The following ZNF740 variants were observed in gnomAD, a reference collection of about 807,000 sequenced individuals.
ZNF740 encodes oriLyt TD-element-binding protein 7.
In ZNF740, 14 loss-of-function variants were observed where a neutral mutation model predicts 24.8. The ratio of observed to expected loss-of-function variants is 0.56; its 90% confidence interval spans 0.37 to 0.88. ZNF740 has a LOEUF of 0.88. ZNF740 is among the 40% of genes least tolerant of loss of function. ZNF740 has a pLI of 0.00. For missense variants in ZNF740, 201 were observed against 247.9 expected (o/e 0.81, Z 1.27); for synonymous variants, 69 against 84.0 (o/e 0.82, Z 0.98).
In ZNF740 at chr12:53,194,184, T is replaced by C. The variant is rs1438322409; in HGVS notation, c.*6594T>C. 1 of 1,613,876 alleles carries C rather than the reference T, an allele frequency of 6.2e-7. No individual in the cohort carries two copies. Among genetic ancestry groups the C allele is most frequent in the Admixed American group, 1.7e-5 (1 of 59,992 alleles). ...CCCCCTGCCCGCCTTCTGCCTGTGC[T>C]TGCTGGCTCTCACCGTCTGGTTGAT... On this transcript the variant is annotated 3_prime_UTR_variant, in exon 7 of 7. Transcript: ENST00000416904.
At chr12:53,180,895 G>C in intron 1 of ZNF740, 58 bp downstream of exon 1, 3 of 1,153,668 alleles carry the variant, frequency 2.6e-6, no homozygotes, top group Non-Finnish European at 3.3e-6. Context: ...CGCTTCAGTA[G>C]CTCGCAAGCC....
At chr12:53,181,108 C>T (rs1470437208) in intron 1 of ZNF740, 1 of 951,304 alleles carries the variant, frequency 1.1e-6, no homozygotes, top group Admixed American at 6.2e-5. Context: ...CGGCACTCTC[C>T]GGCTCTGCTC....
rs1565701319 is a variant in ZNF740, at chr12:53,194,362, G to A, written c.*6772G>A. 1 of 1,613,596 alleles carries A rather than the reference G, an allele frequency of 6.2e-7. No homozygotes were observed. Among genetic ancestry groups the A allele is most frequent in the South Asian group, 1.1e-5 (1 of 91,040 alleles). On this transcript the variant is annotated 3_prime_UTR_variant, in exon 7 of 7. Coordinates refer to ENST00000416904, the MANE Select transcript of ZNF740 (RefSeq NM_001004304.4). ...GACAGGCTCTATGGGAAGAGAGCGA[G>A]TGGATAACCACGTGAAGGCAGAAAA... is the stretch of plus-strand genomic sequence containing the variant.
rs991844221 is a variant in ZNF740 at position 53,186,523 on chromosome 12, C to G, written c.492+14C>G. On this transcript the variant is annotated intron_variant, in intron 6 of 6. Transcript: ENST00000416904. ...CGGTGTCATCAGGTAAGGCTCATCC[C>G]TGCTACAATACCCCACACACACTTT... The G allele has an allele frequency of 9.1e-6, 14 of 1,542,616 alleles. No individual in the cohort carries two copies. The highest frequency in any genetic ancestry group is 1.2e-5 in the South Asian group (1 of 83,990).
chr12:53,184,376 AC>A (rs1444077862), intron 2 of ZNF740, among the ~76,000 whole-genome samples: 4 of 152,034 alleles, frequency 2.6e-5, no homozygotes, highest in Non-Finnish European at 1.5e-5. Context: ...TTTAGTATAG[AC>A]AAGGTTTCAC....
rs1318107438 is a variant in ZNF740, at chr12:53,190,226, C to T, written c.*2636C>T. On this transcript the variant is annotated 3_prime_UTR_variant, in exon 7 of 7. Coordinates refer to ENST00000416904, the MANE Select transcript of ZNF740 (RefSeq NM_001004304.4). ...TGGCATCCAGAGGGCCCGGGAGCCC[C>T]ACGGATACCCCAGGGAAGCCACTGA... The T allele has an allele frequency of 3.3e-5, 5 of 152,632 alleles. No individual in the cohort carries two copies. The highest frequency in any genetic ancestry group is 7.3e-5 in the Non-Finnish European group (5 of 68,102). 9.5% of individuals were successfully genotyped at this position (152,632 alleles called of 1,614,324 possible).
intron 2 of ZNF740, among the ~76,000 whole-genome samples, chr12:53,183,707 A>C (rs567011481): frequency 4.6e-5 from 7 of 152,180 alleles, no homozygotes; most frequent in African/African-American, 1.7e-4. Flanking sequence ...TCCAAAAATC[A>C]TATCAGTTGC....
intron 6 of ZNF740, 38 bp from the exon 7 acceptor site, chr12:53,187,463 T>C: frequency 6.3e-7 from 1 of 1,579,890 alleles, no homozygotes; most frequent in Non-Finnish European, 8.7e-7. Context: ...GTAGCTGCGT[T>C]TGTCTGCTCA....
At chr12:53,181,183 G>C in intron 1 of ZNF740, 1 of 985,410 alleles carries the variant, frequency 1.0e-6, no homozygotes, top group Non-Finnish European at 1.2e-6. Context: ...GCCGCGCCGG[G>C]CTTCGCCTGC....
rs1215047604 is a variant in ZNF740, at chr12:53,186,411, G to A, written c.394G>A (p.Asp132Asn). ...GCCAGGTGAGAAGCCATTTGAATGCGATATATGTGATATGCGTTTCATCCA... is the reference window on the plus strand; with the variant it reads ...GCCAGGTGAGAAGCCATTTGAATGCAATATATGTGATATGCGTTTCATCCA... ...IHTGEKPFEC[D>N]ICDMRFIQKY... Residue 132 changes from aspartate (D) to asparagine (N), a missense_variant, in exon 6 of 7, where the codon GAT becomes AAT. Asp to Asn is a conservative substitution (Grantham distance 23). Around this residue, in one of 3 missense-constraint regions of ZNF740, gnomAD observed 60 missense variants for 107.8 expected, o/e 0.56. Coordinates refer to ENST00000416904, the MANE Select transcript of ZNF740 (RefSeq NM_001004304.4). 2 of 1,583,084 alleles carry A rather than the reference G, an allele frequency of 1.3e-6. No individual in the cohort carries two copies. Among genetic ancestry groups the A allele is most frequent in the South Asian group, 1.2e-5 (1 of 86,326 alleles).
intron 5 of ZNF740, 120 bp downstream of exon 5, chr12:53,186,197 TAAGTC>T (rs1941817542): frequency 1.5e-6 from 2 of 1,357,746 alleles, no homozygotes; most frequent in Non-Finnish European, 2.0e-6. Context: ...AGGAAGAAGA[TAAGTC>T]AATGAAGCAG....
chr12:53,193,665 G>T lies in ZNF740; in HGVS notation c.*6075G>T. ...GAGGAATACGGGCCAGGGTTGGTTG[G>T]TTGTTGGGAGCCAGGTGGTTGAAGG... On this transcript the variant is annotated 3_prime_UTR_variant, in exon 7 of 7. Coordinates refer to ENST00000416904, the MANE Select transcript of ZNF740 (RefSeq NM_001004304.4). 1.3e-6 allele frequency: 2 copies of T among 1,549,868 alleles called. No individual in the cohort carries two copies. Among genetic ancestry groups the T allele is most frequent in the Non-Finnish European group, 1.8e-6 (2 of 1,138,838 alleles).
intron 6 of ZNF740, 110 bp downstream of exon 6, chr12:53,186,619 A>G (rs1941826849): frequency 1.2e-6 from 1 of 804,468 alleles, no homozygotes; most frequent in Non-Finnish European, 2.0e-6. Context: ...ACTCGCCATA[A>G]TAGTTAACAC....
intron 1 of ZNF740, 113 bp downstream of exon 1, chr12:53,180,950 C>A: frequency 5.8e-6 from 1 of 173,660 alleles, no homozygotes; most frequent in Non-Finnish European, 7.5e-6. Context: ...AGGAGGGGCG[C>A]GTGGCGAAGG....
intron 1 of ZNF740, 161 bp downstream of exon 1, chr12:53,180,998 C>T (rs1592379175): frequency 3.6e-6 from 3 of 829,990 alleles, no homozygotes; most frequent in Non-Finnish European, 4.6e-6. Context: ...AAAGGCCGTG[C>T]GCGCACACCG....
At chr12:53,180,858 C>A (rs1941557561) in intron 1 of ZNF740, 21 bp downstream of exon 1, 7 of 1,257,340 alleles carry the variant, frequency 5.6e-6, no homozygotes, top group Non-Finnish European at 7.2e-6. Flanking sequence ...GCCCCAAAGA[C>A]CGCAGCGTCG....
At chr12:53,184,346 A>G (rs1941781260) in intron 2 of ZNF740, among the ~76,000 whole-genome samples, 1 of 151,888 alleles carries the variant, frequency 6.6e-6, no homozygotes, top group African/African-American at 2.4e-5. Context: ...GTGCCACCAC[A>G]CCTGGCTAAT....
In ZNF740 at chr12:53,192,994, A is replaced by C. The variant is rs1413384266; in HGVS notation, c.*5404A>C. Reference sequence around the variant, plus strand: ...TGTGGCACGACAAGCCCACGCATCCAATCTTTTTGAAGTATGCCAACCACA... The same window carrying C: ...TGTGGCACGACAAGCCCACGCATCCCATCTTTTTGAAGTATGCCAACCACA... On this transcript the variant is annotated 3_prime_UTR_variant, in exon 7 of 7. Transcript: ENST00000416904. The C allele has an allele frequency of 1.4e-6, 2 of 1,436,798 alleles. No individual in the cohort carries two copies. Among genetic ancestry groups the C allele is most frequent in the Admixed American group, 3.7e-5 (2 of 53,948 alleles). 89.0% of individuals were successfully genotyped at this position (1,436,798 alleles called of 1,614,324 possible).
rs1942032899 is a variant in ZNF740, at chr12:53,193,250, C to T, written c.*5660C>T. 1 of 1,614,178 alleles carries T rather than the reference C, an allele frequency of 6.2e-7. No individual in the cohort carries two copies. Among genetic ancestry groups the T allele is most frequent in the Non-Finnish European group, 8.5e-7 (1 of 1,180,022 alleles). Reference sequence around the variant, plus strand: ...GCGTCCACATTGACAGTGACCCTTTCCACTGCACAGGGGCCCTGTGCCATT... The same window carrying T: ...GCGTCCACATTGACAGTGACCCTTTTCACTGCACAGGGGCCCTGTGCCATT... On this transcript the variant is annotated 3_prime_UTR_variant, in exon 7 of 7. Transcript: ENST00000416904.
Sources: gnomAD v4.1 joint callset for allele counts (sites outside exome capture counted in the v4.1 genomes callset) on GRCh38, gnomAD v4.1.1 for gene constraint, gnomAD v4.1.1 regional missense constraint, MANE v1.5 for transcripts, NCBI Gene and HGNC (gene_info 2026-07-23, HGNC 2026-07-21) for gene names.